The following GJB7 variants were observed in gnomAD, a reference collection of about 807,000 sequenced individuals.
GJB7 encodes the protein gap junction protein beta 7.
For missense variants in GJB7, 253 were observed against 256.8 expected (o/e 0.99, Z 0.10); for synonymous variants, 87 against 95.2 (o/e 0.91, Z 0.50).
intron 2 of GJB7, among the ~76,000 whole-genome samples, chr6:87,305,019 C>A (rs562952607): frequency 6.6e-6 from 1 of 152,100 alleles, no homozygotes; most frequent in Non-Finnish European, 1.5e-5. Context: ...ATTGATTGGA[C>A]GTATCTCAAA....
At chr6:87,296,090 C>T (rs2127900865) in intron 2 of GJB7, among the ~76,000 whole-genome samples, 1 of 152,286 alleles carries the variant, frequency 6.6e-6, no homozygotes, top group Non-Finnish European at 1.5e-5. Flanking sequence ...TATCAGAAAA[C>T]ATTTAGAGCC....
intron 2 of GJB7, among the ~76,000 whole-genome samples, chr6:87,293,621 A>G (rs1344928945): frequency 6.6e-6 from 1 of 152,112 alleles, no homozygotes; most frequent in East Asian, 1.9e-4. Flanking sequence ...ACCAGACTTT[A>G]TCCATGACCT....
chr6:87,294,510 C>G (rs558675572), intron 2 of GJB7, among the ~76,000 whole-genome samples: 8 of 152,368 alleles, frequency 5.3e-5, no homozygotes, highest in African/African-American at 1.9e-4. Context: ...GGTATAAGCA[C>G]TATTATGCAT....
Position 87,284,289 on chromosome 6 carries a change from C to T in GJB7, c.624G>A (p.Lys208=), listed in dbSNP as rs1554211871. Residue 208 remains lysine (K), a synonymous_variant, in exon 3 of 3, where the codon AAG becomes AAA. Coordinates refer to ENST00000525899, the MANE Select transcript of GJB7 (RefSeq NM_198568.3). ...LSFLVLKCFI[K]CCLQKYLKKP... Reference sequence around the variant, plus strand: ...TTTTTAAATATTTTTGGAGACAGCACTTAATAAAGCACTTGAGAACCAAAA... The same window carrying T: ...TTTTTAAATATTTTTGGAGACAGCATTTAATAAAGCACTTGAGAACCAAAA... 3 of 1,613,934 alleles carry T rather than the reference C, an allele frequency of 1.9e-6. No individual in the cohort carries two copies. Among genetic ancestry groups the T allele is most frequent in the Middle Eastern group, 1.7e-4 (1 of 6,060 alleles).
intron 2 of GJB7, among the ~76,000 whole-genome samples, chr6:87,286,421 T>C (rs574790596): frequency 1.3e-5 from 2 of 152,300 alleles, no homozygotes; most frequent in South Asian, 2.1e-4. Context: ...CTCAAATCCA[T>C]CTCCAGGTCA....
At chr6:87,307,944 C>G (rs1029071576) in intron 2 of GJB7, among the ~76,000 whole-genome samples, 1 of 152,152 alleles carries the variant, frequency 6.6e-6, no homozygotes, top group Non-Finnish European at 1.5e-5. Flanking sequence ...TATTGCAGCA[C>G]TATTCACAAT....
intron 2 of GJB7, among the ~76,000 whole-genome samples, chr6:87,294,987 TG>T (rs771258205): frequency 7.2e-5 from 11 of 152,170 alleles, no homozygotes; most frequent in Non-Finnish European, 1.6e-4. Flanking sequence ...TGTCTCAAAA[TG>T]GGAAAAGCAT....
At chr6:87,307,440 C>A (rs1281469389) in intron 2 of GJB7, among the ~76,000 whole-genome samples, 1 of 152,092 alleles carries the variant, frequency 6.6e-6, no homozygotes, top group Non-Finnish European at 1.5e-5. Flanking sequence ...GAACAGGCAA[C>A]CTACAGAATG....
At chr6:87,301,389 A>C (rs1176170151) in intron 2 of GJB7, among the ~76,000 whole-genome samples, 1 of 152,210 alleles carries the variant, frequency 6.6e-6, no homozygotes, top group Non-Finnish European at 1.5e-5. Context: ...TATATCCTGC[A>C]CATGGCTCAG....
At chr6:87,304,255 G>C (rs1295256256) in intron 2 of GJB7, among the ~76,000 whole-genome samples, 1 of 152,080 alleles carries the variant, frequency 6.6e-6, no homozygotes, top group South Asian at 2.1e-4. Flanking sequence ...TTTTTGAAAA[G>C]ATCAACAAAA....
intron 2 of GJB7, among the ~76,000 whole-genome samples, chr6:87,303,440 A>C (rs1450180077): frequency 1.3e-5 from 2 of 152,238 alleles, no homozygotes; most frequent in African/African-American, 2.4e-5. Flanking sequence ...AGGCCATTAC[A>C]TAAAGGTAAA....
At chr6:87,327,331 C>T (rs866105738) in intron 1 of GJB7, among the ~76,000 whole-genome samples, 4 of 151,736 alleles carry the variant, frequency 2.6e-5, no homozygotes, top group Non-Finnish European at 4.4e-5. Context: ...TTATTTTGCT[C>T]GTTAGTTGAT....
chr6:87,303,269 AT>A (rs1776364806), intron 2 of GJB7, among the ~76,000 whole-genome samples: 1 of 152,236 alleles, frequency 6.6e-6, no homozygotes, highest in South Asian at 2.1e-4. Context: ...AGTGTGCTGT[AT>A]TCAGGAGACC....
Position 87,284,125 on chromosome 6 carries a change from TCA to T in GJB7, c.*114_*115del, listed in dbSNP as rs2127894972. 1.2e-6 allele frequency: 1 copy of T among 820,806 alleles called. No individual in the cohort carries two copies. The highest frequency in any genetic ancestry group is 1.9e-6 in the Non-Finnish European group (1 of 515,214). 50.8% of individuals were successfully genotyped at this position (820,806 alleles called of 1,614,324 possible). Reference sequence around the variant, plus strand: ...TTTCTTTGTTTAACCCTCTTGTGTGTCACAGAGTAGCTTTGCTTCAGGTAGAG... The same window carrying T: ...TTTCTTTGTTTAACCCTCTTGTGTGTCAGAGTAGCTTTGCTTCAGGTAGAG... On this transcript the variant is annotated 3_prime_UTR_variant, in exon 3 of 3. Transcript: ENST00000525899.
intron 2 of GJB7, among the ~76,000 whole-genome samples, chr6:87,288,193 G>T (rs1380104738): frequency 6.6e-6 from 1 of 152,054 alleles, no homozygotes; most frequent in Non-Finnish European, 1.5e-5. Flanking sequence ...GAGCCACCGT[G>T]CCTGGCCCCT....
At chr6:87,304,032 A>T (rs958281931) in intron 2 of GJB7, among the ~76,000 whole-genome samples, 1 of 152,226 alleles carries the variant, frequency 6.6e-6, no homozygotes, top group Non-Finnish European at 1.5e-5. Context: ...AGCAGTGTGT[A>T]TAGGGAAATT....
chr6:87,287,126 T>A (rs1004373136), intron 2 of GJB7, among the ~76,000 whole-genome samples: 1 of 152,240 alleles, frequency 6.6e-6, no homozygotes, highest in Non-Finnish European at 1.5e-5. Context: ...AGACAAAATC[T>A]TCCCAGTTGA....
intron 2 of GJB7, among the ~76,000 whole-genome samples, chr6:87,288,198 G>A: frequency 6.6e-6 from 1 of 152,018 alleles, no homozygotes; most frequent in East Asian, 1.9e-4. Flanking sequence ...ACCGTGCCTG[G>A]CCCCTATTTT....
chr6:87,291,052 G>C (rs1256447570), intron 2 of GJB7, among the ~76,000 whole-genome samples: 1 of 152,146 alleles, frequency 6.6e-6, no homozygotes, highest in Non-Finnish European at 1.5e-5. Context: ...GGAGACGAGT[G>C]GTAGACGACA....
Sources: gnomAD v4.1 joint callset for allele counts (sites outside exome capture counted in the v4.1 genomes callset) on GRCh38, gnomAD v4.1.1 for gene constraint, MANE v1.5 for transcripts, NCBI Gene and HGNC (gene_info 2026-07-23, HGNC 2026-07-21) for gene names.